The following LPP variants were observed in gnomAD, a reference collection of about 807,000 sequenced individuals.
LPP encodes the protein lipoma-preferred partner.
In LPP, 38 loss-of-function variants were observed where a neutral mutation model predicts 60.4. The observed-to-expected ratio is 0.63, with a 90% confidence interval of 0.49 to 0.83. The LOEUF (loss-of-function observed/expected upper bound fraction) is 0.83. LPP is among the 40% of genes least tolerant of loss of function. The pLI, the probability that LPP is intolerant of heterozygous loss-of-function variation, is 0.00. For missense variants in LPP, 902 were observed against 783.6 expected (o/e 1.15, Z -1.80); for synonymous variants, 328 against 290.8 (o/e 1.13, Z -1.30).
At chr3:188,451,089 G>T (rs1796496192) in intron 4 of LPP, among the ~76,000 whole-genome samples, 1 of 151,956 alleles carries the variant, frequency 6.6e-6, no homozygotes, top group Non-Finnish European at 1.5e-5. Flanking sequence ...GGCTTCACTA[G>T]GGTTACTTTC....
chr3:188,309,764 A>G (rs1004827985), intron 2 of LPP, among the ~76,000 whole-genome samples: 1 of 152,178 alleles, frequency 6.6e-6, no homozygotes, highest in Non-Finnish European at 1.5e-5. Flanking sequence ...TGATTTTGAC[A>G]AAGGGGAAAA....
intron 9 of LPP, among the ~76,000 whole-genome samples, chr3:188,838,775 A>G (rs777197221): frequency 5.9e-5 from 9 of 152,116 alleles, no homozygotes; most frequent in Non-Finnish European, 1.2e-4. Context: ...CAAACACCAC[A>G]TGTTCTCACT....
intron 1 of LPP, among the ~76,000 whole-genome samples, chr3:188,181,951 G>A (rs941896134): frequency 2.6e-5 from 4 of 152,178 alleles, no homozygotes; most frequent in Non-Finnish European, 5.9e-5. Context: ...CGTCCTCATA[G>A]TTTTCTGTTT....
intron 9 of LPP, among the ~76,000 whole-genome samples, chr3:188,771,583 G>C: frequency 6.7e-6 from 1 of 149,940 alleles, no homozygotes; most frequent in Non-Finnish European, 1.5e-5. Context: ...AAGAAAGAAA[G>C]GGAGAAAGAA....
intron 4 of LPP, among the ~76,000 whole-genome samples, chr3:188,417,720 A>G (rs1487440930): frequency 3.9e-5 from 6 of 152,204 alleles, no homozygotes; most frequent in Non-Finnish European, 8.8e-5. Flanking sequence ...GGCCAGAAGT[A>G]CTATTGCTAT....
At chr3:188,757,712 A>G (rs1357218349) in intron 8 of LPP, among the ~76,000 whole-genome samples, 1 of 152,170 alleles carries the variant, frequency 6.6e-6, no homozygotes, top group Admixed American at 6.5e-5. Context: ...ATGTAAAATT[A>G]CAGCTTTCAC....
In LPP at chr3:188,193,757, T is replaced by C. The variant is rs187687853; in HGVS notation, c.-189-31648T>C. Among the ~76,000 whole-genome samples, 7 of 152,330 alleles carry C rather than the reference T, an allele frequency of 4.6e-5. No individual in the cohort carries two copies. The East Asian group carries it at 5.8e-4, about 13-fold the overall frequency. On this transcript the variant is annotated intron_variant, in intron 1 of 11. Coordinates refer to ENST00000617246, the MANE Select transcript of LPP (RefSeq NM_001375462.1). ...GCAAGTAGAAGGTTCTTTTTTTTTT[T>C]CTGCTAGTAGGATAGAGTTTGGGTT...
chr3:188,536,922 C>A (rs890137740), intron 6 of LPP, among the ~76,000 whole-genome samples: 3 of 152,146 alleles, frequency 2.0e-5, no homozygotes, highest in African/African-American at 7.2e-5. Flanking sequence ...TCTTACCATT[C>A]AGGAATCTTC....
chr3:188,173,601 C>T (rs1248848713), intron 1 of LPP, among the ~76,000 whole-genome samples: 1 of 152,066 alleles, frequency 6.6e-6, no homozygotes, highest in Non-Finnish European at 1.5e-5. Context: ...CCTACTATGA[C>T]GTATAATGTT....
At chr3:188,197,940 G>A (rs147506206) in intron 1 of LPP, among the ~76,000 whole-genome samples, 2 of 152,326 alleles carry the variant, frequency 1.3e-5, no homozygotes, top group East Asian at 3.9e-4. Flanking sequence ...AGGCCACGGA[G>A]TTGGATTTGG....
intron 4 of LPP, among the ~76,000 whole-genome samples, chr3:188,432,015 T>G (rs1791020212): frequency 6.6e-6 from 1 of 152,190 alleles, no homozygotes; most frequent in Non-Finnish European, 1.5e-5. Flanking sequence ...ACATTCATGT[T>G]CTTAAGTGCA....
rs181517520 is a variant in LPP at position 188,203,749 on chromosome 3, G to A, written c.-189-21656G>A. On this transcript the variant is annotated intron_variant, in intron 1 of 11. Coordinates refer to ENST00000617246, the MANE Select transcript of LPP (RefSeq NM_001375462.1). ...TTCTGCCTTGGCCTCCCAAAGTGCT[G>A]GGATTACAGGCATGAGCCCCTGGCC... Among the ~76,000 whole-genome samples, 96 of 150,236 alleles carry A rather than the reference G, an allele frequency of 6.4e-4. 2 individuals are homozygous for A. The highest frequency in any genetic ancestry group is 2.3e-3 in the African/African-American group (94 of 40,748).
rs867309553 is a variant in LPP at position 188,495,112 on chromosome 3, T to A, written c.306+10408T>A. 6.6e-3 allele frequency among the ~76,000 whole-genome samples: 821 copies of A among 123,840 alleles called. 17 individuals carry two copies. The highest frequency in any genetic ancestry group is 0.022 in the African/African-American group (756 of 34,426). The allele number at this position is 123,840 out of a possible 152,430, so 81.2% of individuals were successfully genotyped here. A position where few individuals can be genotyped will look rare whatever the true frequency, so the allele number is the denominator to read the frequency against. ...ATTTATATTTTATTATATATTTTTA[T>A]ATATTTATATTTATATTTTATTATA... On this transcript the variant is annotated intron_variant, in intron 5 of 11. Transcript: ENST00000617246.
intron 2 of LPP, among the ~76,000 whole-genome samples, chr3:188,277,262 G>A (rs1048089421): frequency 2.6e-5 from 4 of 152,086 alleles, no homozygotes; most frequent in Non-Finnish European, 5.9e-5. Flanking sequence ...GGGCAAGAAT[G>A]GTTTAATACA....
At chr3:188,376,224 C>T (rs1775033066) in intron 3 of LPP, among the ~76,000 whole-genome samples, 1 of 151,680 alleles carries the variant, frequency 6.6e-6, no homozygotes, top group East Asian at 1.9e-4. Context: ...ATTAGGTCTG[C>T]TTGGTGCAGA....
At chr3:188,834,929 C>T (rs1758026180) in intron 9 of LPP, among the ~76,000 whole-genome samples, 1 of 152,150 alleles carries the variant, frequency 6.6e-6, no homozygotes, top group Non-Finnish European at 1.5e-5. Context: ...TCATCTTAGC[C>T]TTCCATTTTA....
intron 2 of LPP, among the ~76,000 whole-genome samples, chr3:188,244,232 T>C (rs1463821657): frequency 6.6e-6 from 1 of 152,236 alleles, no homozygotes; most frequent in East Asian, 1.9e-4. Context: ...AAAGCAAACA[T>C]GCTTCCTCAA....
At chr3:188,495,124 T>C (rs1809752224) in intron 5 of LPP, among the ~76,000 whole-genome samples, 1 of 136,350 alleles carries the variant, frequency 7.3e-6, no homozygotes, top group Non-Finnish European at 1.6e-5. Context: ...TATTTATATT[T>C]ATATTTTATT....
intron 7 of LPP, among the ~76,000 whole-genome samples, chr3:188,699,824 G>A (rs1864020130): frequency 6.6e-6 from 1 of 152,062 alleles, no homozygotes; most frequent in African/African-American, 2.4e-5. Context: ...GGCCAGAAGG[G>A]GTTCTCCTTC....
Sources: gnomAD v4.1 joint callset for allele counts (sites outside exome capture counted in the v4.1 genomes callset) on GRCh38, gnomAD v4.1.1 for gene constraint, MANE v1.5 for transcripts, NCBI Gene and HGNC (gene_info 2026-07-23, HGNC 2026-07-21) for gene names.